The following SCN2A variants were observed in gnomAD, a reference collection of about 807,000 sequenced individuals.
SCN2A encodes sodium channel protein type 2 subunit alpha.
A neutral mutation model predicts 188.7 loss-of-function variants in SCN2A; 20 were observed. That is an observed-to-expected ratio of 0.11 (90% CI 0.07 to 0.15). The LOEUF (loss-of-function observed/expected upper bound fraction) is 0.15, where lower values mean the gene tolerates loss of function less well. SCN2A is among the 10% of genes least tolerant of loss of function. The pLI is 1.00. For synonymous variants in SCN2A, 804 were observed against 833.1 expected (o/e 0.97, Z 0.60); for missense variants, 1,278 against 2,445.0 (o/e 0.52, Z 10.07).
intron 1 of SCN2A, chr2:165,269,031 G>A (rs573795093): frequency 6.6e-6 from 1 of 151,680 alleles, no homozygotes; most frequent in Non-Finnish European, 1.5e-5. Flanking sequence ...TTGGTCAAAG[G>A]GTACAAAAGT....
chr2:165,313,181 T>A (rs1013200854), intron 8 of SCN2A, among the ~76,000 whole-genome samples: 10 of 152,046 alleles, frequency 6.6e-5, no homozygotes, highest in Non-Finnish European at 7.4e-5. Flanking sequence ...CCTATGACAT[T>A]TTTACCACAC....
At chr2:165,309,316 C>A in intron 5 of SCN2A, 36 bp from the exon 6 acceptor site, 2 of 1,613,486 alleles carry the variant, frequency 1.2e-6, no homozygotes, top group Non-Finnish European at 1.7e-6. Context: ...TTCTTGTGTT[C>A]TGTCATTGTG....
At chr2:165,314,386 G>T (rs1461538848) in intron 10 of SCN2A, among the ~76,000 whole-genome samples, 1 of 152,038 alleles carries the variant, frequency 6.6e-6, no homozygotes, top group Non-Finnish European at 1.5e-5. Flanking sequence ...ATTAACAAAG[G>T]CCTCATGTAC....
intron 20 of SCN2A, 138 bp from the exon 21 acceptor site, chr2:165,373,087 G>T (rs1701128336): frequency 1.1e-6 from 1 of 871,184 alleles, no homozygotes; most frequent in Non-Finnish European, 1.9e-6. Flanking sequence ...TCTGCTATTG[G>T]TGTTTTTAAC....
intron 1 of SCN2A, among the ~76,000 whole-genome samples, chr2:165,264,333 A>G (rs1694743084): frequency 6.6e-6 from 1 of 152,138 alleles, no homozygotes. Flanking sequence ...CACTGCATAA[A>G]CAGAATTTTA....
intron 24 of SCN2A, 21 bp from the exon 25 acceptor site, chr2:165,381,072 G>C (rs200669270): frequency 6.7e-7 from 1 of 1,483,280 alleles, no homozygotes; most frequent in Admixed American, 1.9e-5. Context: ...ATTTTAACAA[G>C]TGTTGCTTTC....
chr2:165,387,087 G>A, intron 26 of SCN2A, 71 bp downstream of exon 26: 1 of 1,431,864 alleles, frequency 7.0e-7, no homozygotes, highest in East Asian at 2.3e-5. Context: ...CTTTAGAGGT[G>A]TTTTTCACTA....
intron 16 of SCN2A, among the ~76,000 whole-genome samples, chr2:165,352,980 A>G (rs1700003722): frequency 1.3e-5 from 2 of 151,724 alleles, no homozygotes; most frequent in South Asian, 4.1e-4. Context: ...TGATATTGTC[A>G]ATCAAATCCT....
rs762053212 is a variant in SCN2A, at chr2:165,308,646, G to A, written c.477-20G>A. ...ATTAACCACTAGATTTTTAATGTGA[G>A]CTTGGCTATTTTCTCTCAGGTATAC... On this transcript the variant is annotated intron_variant, in intron 4 of 26. Coordinates refer to ENST00000375437, the MANE Select transcript of SCN2A (RefSeq NM_001040142.2). 2.5e-6 allele frequency: 4 copies of A among 1,608,904 alleles called. No individual in the cohort carries two copies. Among genetic ancestry groups the A allele is most frequent in the Non-Finnish European group, 3.4e-6 (4 of 1,176,512 alleles).
chr2:165,326,011 A>T (rs909916534), intron 12 of SCN2A, among the ~76,000 whole-genome samples: 5 of 152,210 alleles, frequency 3.3e-5, no homozygotes, highest in African/African-American at 1.2e-4. Context: ...CAAAGGAATG[A>T]AACTTTTTAA....
chr2:165,289,366 G>A lies in SCN2A; in HGVS notation c.-51-6407G>A, dbSNP rs145802215. ...GAGAAAACTAAAGGAAAAGAGTATC[G>A]AAAGGAAAACATTATAGAAATATCA... On this transcript the variant is annotated intron_variant, in intron 1 of 26. Coordinates refer to ENST00000375437, the MANE Select transcript of SCN2A (RefSeq NM_001040142.2). Among the ~76,000 whole-genome samples the A allele has an allele frequency of 1.1e-4, 17 of 151,970 alleles. No homozygotes were observed. The East Asian group carries it at 3.1e-3, about 28-fold the overall frequency.
rs540984830 is a variant in SCN2A, at chr2:165,392,082, G to A, written c.*2258G>A. ...TTGTCTTTGTTTCTATCTTTGAAATGCCATTTAAAGGTAGATTTCTATCAT... is the reference window on the plus strand; with the variant it reads ...TTGTCTTTGTTTCTATCTTTGAAATACCATTTAAAGGTAGATTTCTATCAT... On this transcript the variant is annotated 3_prime_UTR_variant, in exon 27 of 27. Transcript: ENST00000375437. 1 of 152,342 alleles carries A rather than the reference G, an allele frequency of 6.6e-6. No homozygotes were observed. Among genetic ancestry groups the A allele is most frequent in the Non-Finnish European group, 1.5e-5 (1 of 67,914 alleles). The allele number at this position is 152,342 out of a possible 1,614,324, so 9.4% of individuals were successfully genotyped here.
intron 1 of SCN2A, among the ~76,000 whole-genome samples, chr2:165,276,732 A>G (rs571850980): frequency 6.6e-6 from 1 of 152,304 alleles, no homozygotes; most frequent in Non-Finnish European, 1.5e-5. Flanking sequence ...AATCAGCACT[A>G]GAGACTGGAA....
At chr2:165,277,070 T>A (rs1457779864) in intron 1 of SCN2A, among the ~76,000 whole-genome samples, 2 of 151,844 alleles carry the variant, frequency 1.3e-5, no homozygotes, top group East Asian at 1.9e-4. Context: ...AAAAAAAAAA[T>A]TAGTTTAATT....
At chr2:165,299,676 A>G (rs577640265) in intron 3 of SCN2A, among the ~76,000 whole-genome samples, 6 of 152,336 alleles carry the variant, frequency 3.9e-5, no homozygotes, top group African/African-American at 1.4e-4. Context: ...ACTGATTTTC[A>G]CAATAATTTT....
intron 1 of SCN2A, among the ~76,000 whole-genome samples, chr2:165,284,761 A>G (rs1463044422): frequency 6.6e-6 from 1 of 152,202 alleles, no homozygotes; most frequent in Non-Finnish European, 1.5e-5. Flanking sequence ...CCTGATTATT[A>G]AAATCCAGAA....
At chr2:165,344,399 G>A (rs527638471) in intron 15 of SCN2A, among the ~76,000 whole-genome samples, 156 bp from the exon 16 acceptor site, 511 of 151,334 alleles carry the variant, frequency 3.4e-3, no homozygotes, top group Non-Finnish European at 6.1e-3. Flanking sequence ...GTGTCCATGT[G>A]ACTAACCTGC....
chr2:165,320,943 G>A (rs935137671), intron 11 of SCN2A, among the ~76,000 whole-genome samples: 3 of 152,136 alleles, frequency 2.0e-5, no homozygotes, highest in African/African-American at 7.2e-5. Flanking sequence ...TCTACAGCCT[G>A]CTTGAATTTC....
At chr2:165,240,596 AT>A (rs1356237878) in intron 1 of SCN2A, among the ~76,000 whole-genome samples, 1 of 151,810 alleles carries the variant, frequency 6.6e-6, no homozygotes, top group Non-Finnish European at 1.5e-5. Flanking sequence ...TTTTACAAAT[AT>A]TTTAAAAATA....
Sources: gnomAD v4.1 joint callset for allele counts (sites outside exome capture counted in the v4.1 genomes callset) on GRCh38, gnomAD v4.1.1 for gene constraint, MANE v1.5 for transcripts, NCBI Gene and HGNC (gene_info 2026-07-23, HGNC 2026-07-21) for gene names.